The following LIN52 variants were observed in gnomAD, a reference collection of about 807,000 sequenced individuals.
LIN52 encodes protein lin-52 homolog.
Under a neutral mutation model 18.5 loss-of-function variants are expected in LIN52, and 4 were observed. That is an observed-to-expected ratio of 0.22 (90% CI 0.11 to 0.49). LIN52 has a LOEUF of 0.49. Among genes scored for constraint, LIN52 ranks in the 20% least tolerant of loss-of-function variants. The pLI is 0.97. For missense variants in LIN52, 102 were observed against 139.5 expected, an observed-to-expected ratio of 0.73 and a Z score of 1.35; for synonymous variants, 34 against 45.5, an observed-to-expected ratio of 0.75 and a Z score of 1.02.
chr14:74,193,756 G>A (rs997728971), intron 5 of LIN52, among the ~76,000 whole-genome samples: 4 of 151,990 alleles, frequency 2.6e-5, no homozygotes, highest in African/African-American at 9.7e-5. Context: ...TGCCTATGTG[G>A]CCCAGGGTCA....
rs2078940538 is a variant in LIN52, at chr14:74,200,411, T to C, written c.*1434T>C. ...CTGGGCAACAGAGTGAGACTCTGTC[T>C]CAGAAAAAAAAAAAAAAAAAAAAAA... On this transcript the variant is annotated 3_prime_UTR_variant, in exon 6 of 6. Transcript: ENST00000555028. 3.0e-5 allele frequency: 2 copies of C among 65,830 alleles called. No homozygotes were observed. Among genetic ancestry groups the C allele is most frequent in the African/African-American group, 6.8e-5 (1 of 14,682 alleles). 4.1% of individuals were successfully genotyped at this position (65,830 alleles called of 1,614,324 possible). A position where few individuals can be genotyped will look rare whatever the true frequency, so the allele number is the denominator to read the frequency against.
At chr14:74,122,159 T>C (rs1234115618) in intron 5 of LIN52, among the ~76,000 whole-genome samples, 3 of 152,302 alleles carry the variant, frequency 2.0e-5, no homozygotes, top group Non-Finnish European at 2.9e-5. Context: ...TAAACGGAAC[T>C]GTAGTAAAAT....
intron 5 of LIN52, among the ~76,000 whole-genome samples, chr14:74,162,582 T>C (rs2061230945): frequency 1.3e-5 from 2 of 151,628 alleles, no homozygotes; most frequent in African/African-American, 2.4e-5. Flanking sequence ...ATATTAGAGA[T>C]GGGGTATCAT....
At chr14:74,089,819 G>A (rs2060760320) in intron 1 of LIN52, among the ~76,000 whole-genome samples, 1 of 152,102 alleles carries the variant, frequency 6.6e-6, no homozygotes, top group African/African-American at 2.4e-5. Context: ...GTTGAAATAG[G>A]GGAGTTCCCT....
intron 5 of LIN52, among the ~76,000 whole-genome samples, chr14:74,110,050 T>C (rs1400163753): frequency 1.3e-5 from 2 of 152,194 alleles, no homozygotes; most frequent in East Asian, 1.9e-4. Flanking sequence ...AAACCCACAG[T>C]GTTAGCTGTG....
chr14:74,107,371 C>G (rs557620100), intron 5 of LIN52, among the ~76,000 whole-genome samples: 12 of 152,252 alleles, frequency 7.9e-5, no homozygotes, highest in African/African-American at 2.9e-4. Context: ...CTATTGAATA[C>G]TAGTTCTCAG....
At chr14:74,111,967 G>A (rs541321700) in intron 5 of LIN52, among the ~76,000 whole-genome samples, 5 of 151,810 alleles carry the variant, frequency 3.3e-5, no homozygotes, top group East Asian at 1.9e-4. Context: ...CGCAACCTCC[G>A]CCTCCGTGGT....
chr14:74,150,402 T>C (rs960041459), intron 5 of LIN52, among the ~76,000 whole-genome samples: 1 of 152,180 alleles, frequency 6.6e-6, no homozygotes, highest in African/African-American at 2.4e-5. Flanking sequence ...AGAATATATA[T>C]AACATTGAAT....
At chr14:74,086,463 G>C (rs950583247) in intron 1 of LIN52, among the ~76,000 whole-genome samples, 3 of 151,928 alleles carry the variant, frequency 2.0e-5, no homozygotes, top group African/African-American at 7.3e-5. Context: ...GACCAGCCTA[G>C]ACAACATGGT....
At chr14:74,189,727 C>G (rs1314486246) in intron 5 of LIN52, among the ~76,000 whole-genome samples, 1 of 152,188 alleles carries the variant, frequency 6.6e-6, no homozygotes, top group Non-Finnish European at 1.5e-5. Flanking sequence ...GGCATCATGG[C>G]TGACACTTCC....
chr14:74,085,054 C>T, intron 1 of LIN52, 61 bp downstream of exon 1: 5 of 1,289,988 alleles, frequency 3.9e-6, no homozygotes, highest in Non-Finnish European at 5.0e-6. Context: ...TGGGAACATC[C>T]ACTCTGTCTC....
intron 5 of LIN52, among the ~76,000 whole-genome samples, chr14:74,121,354 T>A (rs987495974): frequency 2.0e-5 from 3 of 152,250 alleles, no homozygotes; most frequent in African/African-American, 7.2e-5. Context: ...CATAATGATT[T>A]TCATGCATGT....
chr14:74,124,792 CAG>C (rs1471704474), intron 5 of LIN52, among the ~76,000 whole-genome samples: 2 of 113,230 alleles, frequency 1.8e-5, no homozygotes, highest in African/African-American at 7.1e-5. Context: ...GCCTGGGTGA[CAG>C]AGCAAGACCC....
intron 5 of LIN52, among the ~76,000 whole-genome samples, chr14:74,175,752 C>CACACACCCA (rs1566867516): frequency 8.6e-6 from 1 of 116,084 alleles, no homozygotes; most frequent in East Asian, 2.2e-4. Flanking sequence ...ACACACACAC[C>CACACACCCA]CCCATTATAC....
rs143317199 is a variant in LIN52, at chr14:74,120,481, G to T, written c.283+19243G>T. 8.6e-3 allele frequency among the ~76,000 whole-genome samples: 1,260 copies of T among 147,308 alleles called. 17 individuals carry two copies. The highest frequency in any genetic ancestry group is 0.032 in the African/African-American group (1,196 of 37,020). On this transcript the variant is annotated intron_variant, in intron 5 of 5. Transcript: ENST00000555028. ...TAAAAATACAAAAAGTAGGCCAGGCGTGGTAGCTCACACCTGTAATCCCAG... is the reference window on the plus strand; with the variant it reads ...TAAAAATACAAAAAGTAGGCCAGGCTTGGTAGCTCACACCTGTAATCCCAG...
At chr14:74,126,871 A>G (rs1240527592) in intron 5 of LIN52, among the ~76,000 whole-genome samples, 1 of 152,246 alleles carries the variant, frequency 6.6e-6, no homozygotes, top group African/African-American at 2.4e-5. Flanking sequence ...TACTTCAAAA[A>G]TGTGAATTTC....
chr14:74,182,820 T>A (rs765033955), intron 5 of LIN52, among the ~76,000 whole-genome samples: 4 of 152,112 alleles, frequency 2.6e-5, no homozygotes, highest in Non-Finnish European at 5.9e-5. Flanking sequence ...AGAAGCAACA[T>A]GTTAAGCCGG....
At chr14:74,088,566 G>A (rs17096208) in intron 1 of LIN52, among the ~76,000 whole-genome samples, 10,367 of 152,128 alleles carry the variant, frequency 0.068, 549 homozygotes, top group South Asian at 0.26. Flanking sequence ...CTCAGAAATC[G>A]GTAACAAAGA....
rs2078943325 is a variant in LIN52 at position 74,200,688 on chromosome 14, G to A, written c.*1711G>A. 1 of 152,262 alleles carries A rather than the reference G, an allele frequency of 6.6e-6. No homozygotes were observed. The highest frequency in any genetic ancestry group is 1.5e-5 in the Non-Finnish European group (1 of 68,040). 9.4% of individuals were successfully genotyped at this position (152,262 alleles called of 1,614,324 possible). ...AACACAAGATAGGAAAGATGAGTAT[G>A]AGAAGTAAAACATTCTGCTGGGGTG... On this transcript the variant is annotated 3_prime_UTR_variant, in exon 6 of 6. Transcript: ENST00000555028.
Sources: gnomAD v4.1 joint callset for allele counts (sites outside exome capture counted in the v4.1 genomes callset) on GRCh38, gnomAD v4.1.1 for gene constraint, MANE v1.5 for transcripts, NCBI Gene and HGNC (gene_info 2026-07-23, HGNC 2026-07-21) for gene names.